Variants in SECISBP2L observed in about 807,000 individuals in gnomAD.
SECISBP2L encodes SECIS binding protein 2 like.
SECISBP2L carries 43 observed loss-of-function variants against 114.7 expected under a neutral mutation model. The ratio of observed to expected loss-of-function variants is 0.38; its 90% confidence interval spans 0.29 to 0.48. The LOEUF (loss-of-function observed/expected upper bound fraction) is 0.48, where lower values mean the gene tolerates loss of function less well. Among genes scored for constraint, SECISBP2L ranks in the 20% least tolerant of loss-of-function variants. The pLI, the probability that SECISBP2L is intolerant of heterozygous loss-of-function variation, is 0.98. For missense variants in SECISBP2L, 1,136 were observed against 1,301.1 expected, an observed-to-expected ratio of 0.87 and a Z score of 1.95; for synonymous variants, 451 against 439.7, an observed-to-expected ratio of 1.03 and a Z score of -0.32.
chr15:49,028,274 A>T, intron 5 of SECISBP2L, 106 bp from the exon 6 acceptor site: 1 of 1,023,980 alleles, frequency 9.8e-7, no homozygotes, highest in Non-Finnish European at 1.4e-6. Flanking sequence ...GCATATCACA[A>T]TATTATCATA....
chr15:48,995,557 A>C (rs1902069611), intron 17 of SECISBP2L, among the ~76,000 whole-genome samples: 1 of 152,218 alleles, frequency 6.6e-6, no homozygotes, highest in Admixed American at 6.5e-5. Flanking sequence ...GAAAAGAAAA[A>C]AAGAACGAAC....
At chr15:49,031,120 C>G (rs1293639396) in intron 4 of SECISBP2L, among the ~76,000 whole-genome samples, 1 of 138,142 alleles carries the variant, frequency 7.2e-6, no homozygotes, top group Non-Finnish European at 1.5e-5. Context: ...GTGATCTCGG[C>G]TCACTGCAAC....
intron 7 of SECISBP2L, among the ~76,000 whole-genome samples, chr15:49,020,127 A>G (rs72741944): frequency 0.054 from 8,187 of 152,250 alleles, 271 homozygotes; most frequent in East Asian, 0.15. Flanking sequence ...CTGCATCTTG[A>G]CTGTATCGAG....
rs1022814318 is a variant in SECISBP2L at position 49,046,356 on chromosome 15, C to T, written c.-57G>A. On this transcript the variant is annotated 5_prime_UTR_variant, in exon 1 of 18. Coordinates refer to ENST00000559471, the MANE Select transcript of SECISBP2L (RefSeq NM_001193489.2). ...TCGGTGTAAACAGCGCCTCGGGCCGCTTTCTCCATGGCCCCCCGCTCGGGT... is the reference window on the plus strand; with the variant it reads ...TCGGTGTAAACAGCGCCTCGGGCCGTTTTCTCCATGGCCCCCCGCTCGGGT... 7 of 1,435,246 alleles carry T rather than the reference C, an allele frequency of 4.9e-6. No homozygotes were observed. Among genetic ancestry groups the T allele is most frequent in the Non-Finnish European group, 6.4e-6 (7 of 1,087,290 alleles). The allele number at this position is 1,435,246 out of a possible 1,614,324, so 88.9% of individuals were successfully genotyped here.
At chr15:49,000,764 A>T in intron 15 of SECISBP2L, 113 bp downstream of exon 15, 1 of 796,882 alleles carries the variant, frequency 1.3e-6, no homozygotes, top group Non-Finnish European at 1.9e-6. Context: ...CTCATGCTCC[A>T]ATATTGTTTT....
At chr15:49,045,460 A>C (rs532341238) in intron 1 of SECISBP2L, among the ~76,000 whole-genome samples, 2 of 152,352 alleles carry the variant, frequency 1.3e-5, no homozygotes, top group East Asian at 3.9e-4. Context: ...CTTCAAATTA[A>C]GTCGTTTCGC....
chr15:49,007,393 A>T (rs1902346342), intron 14 of SECISBP2L, among the ~76,000 whole-genome samples: 1 of 152,190 alleles, frequency 6.6e-6, no homozygotes, highest in Non-Finnish European at 1.5e-5. Flanking sequence ...AGCTGCGTCC[A>T]CAGCTGCCCC....
chr15:49,018,517 G>T (rs924771450), intron 8 of SECISBP2L, among the ~76,000 whole-genome samples: 2 of 151,860 alleles, frequency 1.3e-5, no homozygotes, highest in Admixed American at 1.3e-4. Context: ...CAGGTGATCT[G>T]CTTGGCCTCC....
chr15:49,008,584 T>A (rs1317352411), intron 14 of SECISBP2L, among the ~76,000 whole-genome samples: 1 of 152,236 alleles, frequency 6.6e-6, no homozygotes, highest in African/African-American at 2.4e-5. Context: ...AGGAACAGAA[T>A]AAACCAATGT....
At chr15:49,034,775 C>A (rs747371034) in intron 3 of SECISBP2L, among the ~76,000 whole-genome samples, 3 of 151,372 alleles carry the variant, frequency 2.0e-5, no homozygotes, top group Non-Finnish European at 2.9e-5. Context: ...AGCGATCTTC[C>A]CACCTCAGCC....
chr15:49,004,728 G>A (rs186138198), intron 14 of SECISBP2L, among the ~76,000 whole-genome samples: 41 of 152,328 alleles, frequency 2.7e-4, no homozygotes, highest in Admixed American at 3.9e-4. Flanking sequence ...CAGTTTCCAC[G>A]TAGTTGTGCA....
chr15:49,003,172 TG>T (rs1331683214), intron 14 of SECISBP2L, among the ~76,000 whole-genome samples: 1 of 152,202 alleles, frequency 6.6e-6, no homozygotes, highest in Non-Finnish European at 1.5e-5. Flanking sequence ...TCACATCCCT[TG>T]TAAGTTGGAT....
Position 49,027,396 on chromosome 15 carries a change from C to T in SECISBP2L, c.1004G>A (p.Gly335Glu), listed in dbSNP as rs774695934. ...MEKNQTFSRG[G>E]RQTEQRNNSQ... ...ATTATTTCTTTGTTCAGTTTGCCTTCCACCTCTAGAAAATGTCTGATTTTT... is the reference window on the plus strand; with the variant it reads ...ATTATTTCTTTGTTCAGTTTGCCTTTCACCTCTAGAAAATGTCTGATTTTT... Residue 335 changes from glycine to glutamate, a missense_variant, in exon 7 of 18, where the codon GGA becomes GAA. By Grantham distance (98) the Gly-to-Glu change is moderately conservative. Coordinates refer to ENST00000559471, the MANE Select transcript of SECISBP2L (RefSeq NM_001193489.2). 6.2e-7 allele frequency: 1 copy of T among 1,610,858 alleles called. No individual in the cohort carries two copies. The highest frequency in any genetic ancestry group is 1.1e-5 in the South Asian group (1 of 90,576).
At position 48,991,134 on chromosome 15, in the gene SECISBP2L, T is replaced by G. The variant is rs1337568717; in HGVS notation, c.*1110A>C. 1 of 152,224 alleles carries G rather than the reference T, an allele frequency of 6.6e-6. No homozygotes were observed. Among genetic ancestry groups the G allele is most frequent in the African/African-American group, 2.4e-5 (1 of 41,452 alleles). 9.4% of individuals were successfully genotyped at this position (152,224 alleles called of 1,614,324 possible). ...TCAGCACAATTAGAACAACTTTCTCTTATCTTCTAAAACTTCCTCCTCTAA... is the reference window on the plus strand; with the variant it reads ...TCAGCACAATTAGAACAACTTTCTCGTATCTTCTAAAACTTCCTCCTCTAA... On this transcript the variant is annotated 3_prime_UTR_variant, in exon 18 of 18. Transcript: ENST00000559471.
intron 1 of SECISBP2L, among the ~76,000 whole-genome samples, chr15:49,038,130 A>G (rs985379142): frequency 2.0e-5 from 3 of 152,172 alleles, no homozygotes; most frequent in Admixed American, 6.5e-5. Context: ...TTGTTGGGGG[A>G]AAAATTGAAC....
chr15:49,009,292 A>G lies in SECISBP2L; in HGVS notation c.1951T>C (p.Ser651Pro). The G allele has an allele frequency of 6.2e-7, 1 of 1,614,160 alleles. No homozygotes were observed. The change falls in exon 14 of 18, where the codon TCT (serine) becomes CCT (proline). Residue 651 changes from serine (S) to proline (P), a missense_variant. Physicochemically the swap from Ser to Pro is moderately conservative, Grantham distance 74. This residue lies in a region of SECISBP2L where 684 missense variants were observed against 848.7 expected (regional missense o/e 0.81). Transcript: ENST00000559471. ...CTGCCTATTCCAGAACTAGCAGGAG[A>G]GCCTTGTGACACAGGTGTCATACAG... ...PYCMTPVSQG[S>P]PASSGIGSPM... is the part of the protein sequence containing the mutation.
chr15:49,018,231 A>G (rs998545697), intron 8 of SECISBP2L, among the ~76,000 whole-genome samples: 4 of 151,948 alleles, frequency 2.6e-5, no homozygotes, highest in Non-Finnish European at 4.4e-5. Context: ...TGGCTCAATT[A>G]CTAAACTTAT....
At chr15:49,014,754 G>A (rs1051759452) in intron 11 of SECISBP2L, among the ~76,000 whole-genome samples, 4 of 148,216 alleles carry the variant, frequency 2.7e-5, no homozygotes, top group African/African-American at 7.3e-5. Flanking sequence ...ACAATATATA[G>A]TTATATAATT....
rs764764182 is a variant in SECISBP2L at position 49,027,439 on chromosome 15, T to C, written c.961A>G (p.Lys321Glu). The C allele has an allele frequency of 5.0e-6, 8 of 1,609,506 alleles. No homozygotes were observed. In the African/African-American group the frequency reaches 6.7e-5, roughly 13 times the overall value. Residue 321 changes from lysine to glutamate, a missense_variant, in exon 7 of 18, where the codon AAA (lysine) becomes GAA (glutamate). Lys to Glu is a moderately conservative substitution (Grantham distance 56, BLOSUM62 1). Transcript: ENST00000559471. ...TGATTTTTTTCCATCCAAGGTTTTT[T>C]CTGAGTTGCCTGGCAAGTTACATTG... ...WSNVTCQATQ[K>E]KPWMEKNQTF...
Sources: allele counts gnomAD v4.1 joint callset (sites outside exome capture counted in the v4.1 genomes callset), GRCh38; gene constraint gnomAD v4.1.1; regional missense constraint gnomAD v4.1.1; transcripts MANE v1.5; gene names NCBI Gene and HGNC (gene_info 2026-07-23, HGNC 2026-07-21).